The following MCM8 variants were observed in gnomAD, a reference collection of about 807,000 sequenced individuals.
The protein encoded by MCM8 is DNA helicase MCM8.
In MCM8, 85 loss-of-function variants were observed where a neutral mutation model predicts 98.9. The observed-to-expected ratio is 0.86, with a 90% confidence interval of 0.72 to 1.03. The LOEUF is 1.03. MCM8 is among the 50% of genes least tolerant of loss of function. The pLI, the probability that MCM8 is intolerant of heterozygous loss-of-function variation, is 0.00. For missense variants in MCM8, 951 were observed against 997.8 expected (o/e 0.95, Z 0.63); for synonymous variants, 352 against 338.6 (o/e 1.04, Z -0.44).
chr20:5,960,030 G>A lies in MCM8; in HGVS notation c.789+1304G>A, dbSNP rs187703583. On this transcript the variant is annotated intron_variant, in intron 7 of 18. Coordinates refer to ENST00000610722, the MANE Select transcript of MCM8 (RefSeq NM_032485.6). ...TTACCAAATTACTTTCCAGAGTATT[G>A]TTCCCAACTTAAATCTTTGCTGGTA... Among the ~76,000 whole-genome samples the A allele has an allele frequency of 8.3e-4, 127 of 152,192 alleles. 2 individuals carry two copies. Among genetic ancestry groups the A allele is most frequent in the African/African-American group, 2.8e-3 (118 of 41,532 alleles).
chr20:5,972,973 A>G (rs6107727), intron 11 of MCM8, 83 bp from the exon 12 acceptor site: 45,380 of 1,465,972 alleles, frequency 0.031, 1,674 homozygotes, highest in African/African-American at 0.17. Flanking sequence ...ACAAATTAAT[A>G]TTATAGAAGG....
intron 9 of MCM8, 117 bp downstream of exon 9, chr20:5,967,704 A>G: frequency 1.4e-6 from 2 of 1,381,932 alleles, no homozygotes; most frequent in Non-Finnish European, 2.0e-6. Flanking sequence ...CTTACATAAG[A>G]TGAAACATTC....
At position 5,968,013 on chromosome 20, in the gene MCM8, A is replaced by G; in HGVS notation, c.1211A>G (p.Lys404Arg). 1 of 1,608,734 alleles carries G rather than the reference A, an allele frequency of 6.2e-7. No homozygotes were observed. Among genetic ancestry groups the G allele is most frequent in the Non-Finnish European group, 8.5e-7 (1 of 1,178,210 alleles). ...QEIQAEENLF[K>R]LIVNSLCPVI... ...ATTCAAGCTGAAGAAAACCTGTTTA[A>G]ACTCATTGTCAAGTATGTATGCTGT... The change falls in exon 10 of 19, where the codon AAA (lysine) becomes AGA (arginine). Residue 404 changes from lysine (K) to arginine (R), a missense_variant. By Grantham distance (26) the Lys-to-Arg change is conservative. Transcript: ENST00000610722.
At chr20:5,972,473 C>T in intron 11 of MCM8, 1 of 267,830 alleles carries the variant, frequency 3.7e-6, no homozygotes, top group Non-Finnish European at 7.4e-6. Context: ...CTCCAAAGTG[C>T]TGGGATTATA....
At chr20:5,962,332 G>A (rs2122692724) in intron 7 of MCM8, among the ~76,000 whole-genome samples, 1 of 144,940 alleles carries the variant, frequency 6.9e-6, no homozygotes, top group East Asian at 2.1e-4. Context: ...AATTCCAGGA[G>A]AAGGAATTAG....
chr20:5,964,365 A>G (rs1287953847), intron 8 of MCM8, among the ~76,000 whole-genome samples: 2 of 152,184 alleles, frequency 1.3e-5, no homozygotes, highest in African/African-American at 4.8e-5. Context: ...CTGAAAAATT[A>G]AGACCAACAT....
intron 16 of MCM8, among the ~76,000 whole-genome samples, chr20:5,986,930 A>ATCCTCCCACCTCAGCTTCCCAAGTAG (rs2089746011): frequency 3.3e-5 from 5 of 152,084 alleles, no homozygotes. Context: ...GGCTCAAGGG[A>ATCCTCCCACCTCAGCTTCCCAAGTAG]TCCTCCCACC....
chr20:5,972,597 C>T lies in MCM8; in HGVS notation c.1255-459C>T, dbSNP rs1297929248. Reference sequence around the variant, plus strand: ...TGAGATGGAGTCTTGCTCTGTCGCCCAGGCTAGAGTACAGTGGTGCGATCT... The same window carrying T: ...TGAGATGGAGTCTTGCTCTGTCGCCTAGGCTAGAGTACAGTGGTGCGATCT... On this transcript the variant is annotated intron_variant, in intron 11 of 18. Coordinates refer to ENST00000610722, the MANE Select transcript of MCM8 (RefSeq NM_032485.6). 3 of 397,104 alleles carry T rather than the reference C, an allele frequency of 7.6e-6. No homozygotes were observed. The East Asian group carries it at 2.5e-4, about 33-fold the overall frequency. 24.6% of individuals were successfully genotyped at this position (397,104 alleles called of 1,614,324 possible). A position where few individuals can be genotyped will look rare whatever the true frequency, so the allele number is the denominator to read the frequency against.
chr20:5,962,742 T>C (rs1408918478), intron 7 of MCM8, among the ~76,000 whole-genome samples: 1 of 152,212 alleles, frequency 6.6e-6, no homozygotes, highest in Non-Finnish European at 1.5e-5. Flanking sequence ...GCAATCATAT[T>C]TGGCAAATAC....
rs558502045 is a variant in MCM8 at position 5,952,088 on chromosome 20, G to A, written c.73G>A (p.Gly25Arg). 86 of 1,614,062 alleles carry A rather than the reference G, an allele frequency of 5.3e-5. No homozygotes were observed. The South Asian group carries it at 9.0e-4, about 17-fold the overall frequency. ...AAGCTGGAAAAGGGGAAGAGGTGGT[G>A]GGAACTTCTCAGGAAAATGGAGAGA... ...FQSWKRGRGG[G>R]NFSGKWRERE... Residue 25 changes from glycine to arginine, a missense_variant, in exon 2 of 19, where the codon GGG (glycine) becomes AGG (arginine). By Grantham distance (125) the Gly-to-Arg change is moderately radical. Transcript: ENST00000610722.
intron 6 of MCM8, among the ~76,000 whole-genome samples, chr20:5,957,958 T>C (rs1767748184): frequency 6.6e-6 from 1 of 152,156 alleles, no homozygotes; most frequent in Admixed American, 6.5e-5. Flanking sequence ...AACCCAAAGG[T>C]TTTTGAATCT....
intron 10 of MCM8, among the ~76,000 whole-genome samples, chr20:5,971,265 A>G (rs7261730): frequency 0.025 from 3,860 of 152,310 alleles, 159 homozygotes; most frequent in African/African-American, 0.087. Flanking sequence ...ACATCAACAC[A>G]GATTTTAAGT....
chr20:5,977,027 T>C (rs190145837), intron 12 of MCM8, among the ~76,000 whole-genome samples: 1 of 152,326 alleles, frequency 6.6e-6, no homozygotes, highest in Admixed American at 6.5e-5. Flanking sequence ...CTTTATATTT[T>C]TGTGTTTTCT....
chr20:5,968,334 C>T (rs566995530), intron 10 of MCM8, among the ~76,000 whole-genome samples: 10 of 152,268 alleles, frequency 6.6e-5, no homozygotes, highest in Middle Eastern at 3.4e-3. Context: ...CACTTGAGGT[C>T]GGGAGTTCGA....
chr20:5,977,844 G>C (rs1322084023), intron 12 of MCM8, 32 bp from the exon 13 acceptor site: 5 of 1,609,394 alleles, frequency 3.1e-6, no homozygotes, highest in Middle Eastern at 1.7e-4. Flanking sequence ...CTTTTACTTT[G>C]GATGATTCTC....
intron 7 of MCM8, among the ~76,000 whole-genome samples, chr20:5,959,676 A>T (rs1423185329): frequency 6.7e-6 from 1 of 148,834 alleles, no homozygotes; most frequent in Non-Finnish European, 1.5e-5. Context: ...AGGAATACTA[A>T]GTTGTAGGCT....
At chr20:5,969,795 G>C (rs1175295406) in intron 10 of MCM8, among the ~76,000 whole-genome samples, 1 of 152,108 alleles carries the variant, frequency 6.6e-6, no homozygotes, top group East Asian at 1.9e-4. Context: ...TGGAAGAGAG[G>C]CTGCTCTAAC....
At chr20:5,953,462 T>C (rs991076906) in intron 3 of MCM8, among the ~76,000 whole-genome samples, 5 of 151,634 alleles carry the variant, frequency 3.3e-5, no homozygotes, top group Non-Finnish European at 7.4e-5. Context: ...TGTGTGTGTG[T>C]GTGTGTGTGC....
chr20:5,987,218 C>T, intron 16 of MCM8, 64 bp from the exon 17 acceptor site: 1 of 1,485,534 alleles, frequency 6.7e-7, no homozygotes, highest in South Asian at 1.2e-5. Flanking sequence ...TGAAGTAAAG[C>T]TTAGACATAC....
Sources: allele counts gnomAD v4.1 joint callset (sites outside exome capture counted in the v4.1 genomes callset), GRCh38; gene constraint gnomAD v4.1.1; transcripts MANE v1.5; gene names NCBI Gene and HGNC (gene_info 2026-07-23, HGNC 2026-07-21).